Variants in MAF observed in about 807,000 individuals in gnomAD.
MAF encodes transcription factor Maf.
MAF carries 10 observed loss-of-function variants against 22.0 expected under a neutral mutation model. The ratio of observed to expected loss-of-function variants is 0.45; its 90% CI spans 0.28 to 0.77. MAF has a LOEUF of 0.77. MAF is among the 30% of genes least tolerant of loss of function. The probability of loss-of-function intolerance (pLI) is 0.12; values close to 1 mark genes in which losing one functional copy is unlikely to be tolerated. For synonymous variants in MAF, 337 were observed against 255.8 expected (o/e 1.32, Z -3.03); for missense variants, 544 against 548.4 (o/e 0.99, Z 0.08).
At chr16:79,468,000 T>C in the MAF span, among the ~76,000 whole-genome samples, 1 of 152,116 alleles carries the variant, frequency 6.6e-6, no homozygotes, top group Non-Finnish European at 1.5e-5. Context: ...ATTAACATTA[T>C]TGATTGATCA....
the MAF span, among the ~76,000 whole-genome samples, chr16:79,209,293 C>T: frequency 1.6e-4 from 24 of 152,318 alleles, no homozygotes; most frequent in South Asian, 4.6e-3. Context: ...AATGGGACTG[C>T]AGAATTTCTT....
the MAF span, among the ~76,000 whole-genome samples, chr16:79,495,370 G>T: frequency 1.3e-5 from 2 of 152,130 alleles, no homozygotes; most frequent in African/African-American, 4.8e-5. Flanking sequence ...AGCTGAGGTA[G>T]GAGGATCACT....
chr16:79,424,259 T>A, the MAF span, among the ~76,000 whole-genome samples: 26 of 152,052 alleles, frequency 1.7e-4, no homozygotes, highest in Non-Finnish European at 2.4e-4. Flanking sequence ...TGTTGAAAAA[T>A]CATGCATTTA....
the MAF span, among the ~76,000 whole-genome samples, chr16:79,427,189 C>T: frequency 2.0e-5 from 3 of 152,198 alleles, no homozygotes; most frequent in Non-Finnish European, 2.9e-5. Context: ...GAAAAGAAAA[C>T]ATAAATGTGA....
chr16:79,586,969 C>T (rs1415893320), intron 1 of MAF, among the ~76,000 whole-genome samples: 2 of 152,200 alleles, frequency 1.3e-5, no homozygotes, highest in African/African-American at 2.4e-5. Context: ...GATTACCTTA[C>T]AATTGGTGCG....
the MAF span, among the ~76,000 whole-genome samples, chr16:79,538,469 G>A: frequency 4.6e-5 from 7 of 152,296 alleles, no homozygotes; most frequent in East Asian, 1.2e-3. Context: ...AAGTATGGGG[G>A]AAGAATTAAC....
At chr16:79,436,902 C>A in the MAF span, among the ~76,000 whole-genome samples, 1 of 152,212 alleles carries the variant, frequency 6.6e-6, no homozygotes, top group Non-Finnish European at 1.5e-5. Flanking sequence ...AGGCTTTTGA[C>A]TGTCTTGGGC....
At chr16:79,534,743 AAAAG>A in the MAF span, among the ~76,000 whole-genome samples, 5 of 152,224 alleles carry the variant, frequency 3.3e-5, no homozygotes, top group African/African-American at 9.6e-5. Context: ...TAATTTAAAA[AAAAG>A]AAAGAAAGAA....
chr16:79,565,393 G>A, the MAF span, among the ~76,000 whole-genome samples: 1 of 152,126 alleles, frequency 6.6e-6, no homozygotes, highest in African/African-American at 2.4e-5. Flanking sequence ...TGCTGACCTG[G>A]GACTATGATA....
chr16:79,440,975 G>T, the MAF span, among the ~76,000 whole-genome samples: 28 of 152,154 alleles, frequency 1.8e-4, no homozygotes, highest in African/African-American at 6.8e-4. Context: ...GCTATTATGC[G>T]GTGATGTGGA....
the MAF span, among the ~76,000 whole-genome samples, chr16:79,272,223 G>C: frequency 6.6e-6 from 1 of 152,216 alleles, no homozygotes; most frequent in Non-Finnish European, 1.5e-5. Flanking sequence ...GGCGTTGAGC[G>C]GTGCTCTCTG....
the MAF span, among the ~76,000 whole-genome samples, chr16:79,331,196 G>C: frequency 6.6e-6 from 1 of 152,216 alleles, no homozygotes; most frequent in South Asian, 2.1e-4. Context: ...CCACATGGAA[G>C]ATGAAAAATG....
chr16:79,573,291 C>G, the MAF span, among the ~76,000 whole-genome samples: 1 of 152,094 alleles, frequency 6.6e-6, no homozygotes, highest in East Asian at 1.9e-4. Context: ...TCAAACTTAC[C>G]GAGCCTTTGC....
At chr16:79,322,903 C>T in the MAF span, among the ~76,000 whole-genome samples, 2,140 of 152,010 alleles carry the variant, frequency 0.014, 22 homozygotes, top group Non-Finnish European at 0.024. Context: ...GTAATCCCAG[C>T]ACTTTGGGAG....
chr16:79,494,101 A>C, the MAF span, among the ~76,000 whole-genome samples: 1 of 152,176 alleles, frequency 6.6e-6, no homozygotes, highest in Non-Finnish European at 1.5e-5. Flanking sequence ...AGAGCTGTTG[A>C]ACACAGTTGT....
At chr16:79,292,879 G>C in the MAF span, among the ~76,000 whole-genome samples, 1 of 152,074 alleles carries the variant, frequency 6.6e-6, no homozygotes, top group Non-Finnish European at 1.5e-5. Context: ...CAGCACCATG[G>C]CAATTTACAA....
chr16:79,217,197 G>A, the MAF span, among the ~76,000 whole-genome samples: 2 of 152,178 alleles, frequency 1.3e-5, no homozygotes. Flanking sequence ...ATGCTCATAG[G>A]ATGAAAGTGA....
intron 1 of MAF, among the ~76,000 whole-genome samples, chr16:79,587,155 T>A (rs1320190831): frequency 6.6e-6 from 1 of 152,226 alleles, no homozygotes; most frequent in Non-Finnish European, 1.5e-5. Context: ...TTCTTACCCT[T>A]GTATCTGTCA....
At chr16:79,584,722 AC>A (rs5818248), downstream of MAF, among the ~76,000 whole-genome samples, 6,374 of 152,262 alleles carry the variant, frequency 0.042, 188 homozygotes, top group Middle Eastern at 0.071. Flanking sequence ...ACACAAATTA[AC>A]CCCAAATGTA....
Sources: gnomAD v4.1 joint callset for allele counts (sites outside exome capture counted in the v4.1 genomes callset) on GRCh38, gnomAD v4.1.1 for gene constraint, MANE v1.5 for transcripts, NCBI Gene and HGNC (gene_info 2026-07-23, HGNC 2026-07-21) for gene names.